Variants in CELF6 observed in about 807,000 individuals in gnomAD.
CELF6 encodes Bruno -like 6, RNA binding protein.
In CELF6, 32 loss-of-function variants were observed where a neutral mutation model predicts 53.1. The ratio of observed to expected loss-of-function variants is 0.60; its 90% CI spans 0.46 to 0.81. CELF6 has a LOEUF of 0.81. Among genes scored for constraint, CELF6 ranks in the 30% least tolerant of loss-of-function variants. The pLI, the probability that CELF6 is intolerant of heterozygous loss-of-function variation, is 0.00. For missense variants in CELF6, 539 were observed against 669.5 expected (o/e 0.81, Z 2.15); for synonymous variants, 291 against 288.8 (o/e 1.01, Z -0.08).
chr15:72,308,361 G>T (rs2088256738), intron 2 of CELF6, among the ~76,000 whole-genome samples: 1 of 152,078 alleles, frequency 6.6e-6, no homozygotes, highest in Non-Finnish European at 1.5e-5. Flanking sequence ...CCGAGTAGCT[G>T]GGATTACAGG....
chr15:72,309,720 G>C (rs1269327908), intron 2 of CELF6, among the ~76,000 whole-genome samples: 2 of 152,174 alleles, frequency 1.3e-5, no homozygotes, highest in Non-Finnish European at 2.9e-5. Context: ...TCCTGCCATG[G>C]GCAGAGGAGG....
chr15:72,308,595 G>T (rs1257122927), intron 2 of CELF6, among the ~76,000 whole-genome samples: 1 of 152,208 alleles, frequency 6.6e-6, no homozygotes, highest in Non-Finnish European at 1.5e-5. Context: ...GATTAGGGAA[G>T]GCTGTGAAAA....
intron 12 of CELF6, 31 bp downstream of exon 12, chr15:72,287,206 C>G (rs2087933268): frequency 6.3e-7 from 1 of 1,588,988 alleles, no homozygotes; most frequent in African/African-American, 1.3e-5. Context: ...TCACTCAGGC[C>G]TCATCTACCT....
Position 72,288,788 on chromosome 15 carries a change from A to G in CELF6, c.1093+80T>C. On this transcript the variant is annotated intron_variant, in intron 9 of 12. Coordinates refer to ENST00000287202, the MANE Select transcript of CELF6 (RefSeq NM_052840.5). The surrounding 1 kb of genome is among the most constrained non-coding windows in gnomAD (Gnocchi z 4.6). ...TGGGAGGATCAACTCCTTGGAACAGAGCCTAAATCCCCCACAACTCTCCCT... is the reference window on the plus strand; with the variant it reads ...TGGGAGGATCAACTCCTTGGAACAGGGCCTAAATCCCCCACAACTCTCCCT... 1 of 1,422,140 alleles carries G rather than the reference A, an allele frequency of 7.0e-7. No individual in the cohort carries two copies. Among genetic ancestry groups the G allele is most frequent in the South Asian group, 1.2e-5 (1 of 81,612 alleles). The allele number at this position is 1,422,140 out of a possible 1,614,324, so 88.1% of individuals were successfully genotyped here. A position where few individuals can be genotyped will look rare whatever the true frequency, so the allele number is the denominator to read the frequency against.
In CELF6 at chr15:72,284,766, G is replaced by A. The variant is rs2087902066; in HGVS notation, c.*1605C>T. The stretch of plus-strand genomic sequence containing the variant: ...AGTTTTCTTAGAAACTGTTATGAAG[G>A]AGGAGCCCTCCACCCCCACCCCCAC... On this transcript the variant is annotated 3_prime_UTR_variant, in exon 13 of 13. Coordinates refer to ENST00000287202, the MANE Select transcript of CELF6 (RefSeq NM_052840.5). 1 of 152,646 alleles carries A rather than the reference G, an allele frequency of 6.6e-6. No individual in the cohort carries two copies. Among genetic ancestry groups the A allele is most frequent in the Non-Finnish European group, 1.5e-5 (1 of 68,038 alleles). The allele number at this position is 152,646 out of a possible 1,614,324, so 9.5% of individuals were successfully genotyped here.
intron 2 of CELF6, among the ~76,000 whole-genome samples, chr15:72,308,507 G>A (rs563360441): frequency 1.3e-5 from 2 of 152,218 alleles, no homozygotes; most frequent in Admixed American, 1.3e-4. Context: ...GATTACAGGT[G>A]TGAGCCACCG....
intron 3 of CELF6, among the ~76,000 whole-genome samples, chr15:72,295,596 G>T (rs1457998486): frequency 2.0e-5 from 3 of 151,710 alleles, no homozygotes; most frequent in South Asian, 2.1e-4. Context: ...GGGCGTGGTG[G>T]TGGGTGCCTG....
In CELF6 at chr15:72,288,616, C is replaced by A; in HGVS notation, c.1096G>T (p.Ala366Ser). ...AYAGMHHYAA[A>S]YPSAYAPVST... ...ACTGGGGCATAGGCCGACGGATAGG[C>A]TGCTGGAGACAGAGGTGGGAGTGGA... is the stretch of plus-strand genomic sequence containing the variant. The change falls in exon 10 of 13, where the codon GCC (alanine) becomes TCC (serine). Residue 366 changes from alanine to serine, a missense_variant and splice_region_variant. Transcript: ENST00000287202. The surrounding 1 kb of genome is among the most constrained non-coding windows in gnomAD (Gnocchi z 4.6). 1 of 1,558,894 alleles carries A rather than the reference C, an allele frequency of 6.4e-7. No individual in the cohort carries two copies. The highest frequency in any genetic ancestry group is 1.2e-5 in the South Asian group (1 of 81,156).
chr15:72,318,135 G>A (rs2912225), intron 1 of CELF6, among the ~76,000 whole-genome samples: 4,645 of 152,244 alleles, frequency 0.031, 133 homozygotes, highest in African/African-American at 0.071. Flanking sequence ...ACAGAGGGAT[G>A]GACAGACAGG....
In CELF6 at chr15:72,289,128, G is replaced by A; in HGVS notation, c.1030+10C>T. ...ATTTCGGGGGGATTTGGGCGGAGCG[G>A]GGGGCCCACCTGGATAAGGGGAGAG... On this transcript the variant is annotated intron_variant, in intron 8 of 12. Coordinates refer to ENST00000287202, the MANE Select transcript of CELF6 (RefSeq NM_052840.5). The surrounding 1 kb of genome is among the most constrained non-coding windows in gnomAD (Gnocchi z 7.6). 2 of 1,517,178 alleles carry A rather than the reference G, an allele frequency of 1.3e-6. No homozygotes were observed. Among genetic ancestry groups the A allele is most frequent in the Non-Finnish European group, 1.8e-6 (2 of 1,139,838 alleles). The allele number at this position is 1,517,178 out of a possible 1,614,324, so 94.0% of individuals were successfully genotyped here.
Position 72,288,175 on chromosome 15 carries a change from G to T in CELF6, c.1318+133C>A. 1 of 1,028,190 alleles carries T rather than the reference G, an allele frequency of 9.7e-7. No homozygotes were observed. The highest frequency in any genetic ancestry group is 1.5e-6 in the Non-Finnish European group (1 of 669,230). 63.7% of individuals were successfully genotyped at this position (1,028,190 alleles called of 1,614,324 possible). A position where few individuals can be genotyped will look rare whatever the true frequency, so the allele number is the denominator to read the frequency against. ...TGGCCTAAACTTAGGCCCATCACTG[G>T]TTTGTGACCCTGTTTTGTGCCATAC... is the stretch of plus-strand genomic sequence containing the variant. On this transcript the variant is annotated intron_variant, in intron 11 of 12. Coordinates refer to ENST00000287202, the MANE Select transcript of CELF6 (RefSeq NM_052840.5). The surrounding 1 kb of genome is among the most constrained non-coding windows in gnomAD (Gnocchi z 4.6).
chr15:72,296,791 A>C (rs745404635), intron 3 of CELF6, among the ~76,000 whole-genome samples: 27 of 152,370 alleles, frequency 1.8e-4, no homozygotes, highest in Non-Finnish European at 2.9e-4. Flanking sequence ...TCAAAGAAAC[A>C]GAAAATCACA....
chr15:72,290,660 C>T (rs1248946850), intron 3 of CELF6, among the ~76,000 whole-genome samples: 1 of 152,148 alleles, frequency 6.6e-6, no homozygotes, highest in East Asian at 1.9e-4. Flanking sequence ...CAGAGAAAGC[C>T]TTTCTATTCA....
intron 12 of CELF6, among the ~76,000 whole-genome samples, chr15:72,286,649 C>T (rs2087926235): frequency 6.6e-6 from 1 of 152,222 alleles, no homozygotes; most frequent in Non-Finnish European, 1.5e-5. Context: ...TTGCAGGCAG[C>T]ATCCTATGGA....
rs114243490 is a variant in CELF6 at position 72,300,611 on chromosome 15, A to G, written c.394+4135T>C. Among the ~76,000 whole-genome samples the G allele has an allele frequency of 7.3e-3, 1,113 of 152,278 alleles. 9 individuals carry two copies. Among genetic ancestry groups the G allele is most frequent in the African/African-American group, 0.025 (1,045 of 41,558 alleles). ...CACTTTGGGAGGCCGAGGCAGACAG[A>G]TCATTTGTGGTCAGCAGTTCAAGAC... is the stretch of plus-strand genomic sequence containing the variant. On this transcript the variant is annotated intron_variant, in intron 3 of 12. Transcript: ENST00000287202.
Position 72,289,226 on chromosome 15 carries a change from C to T in CELF6, c.942G>A (p.Gly314=). The change falls in exon 8 of 13, where the codon GGG becomes GGA. Residue 314 remains glycine, a synonymous_variant. Transcript: ENST00000287202. This position sits in a 1 kb window ranked among gnomAD's most constrained non-coding sequence, Gnocchi z 7.6. ...GTLPGLPAPI[G]VNGFGPLTPQ... is the part of the protein sequence containing the mutation. ...GGGTCAGAGGGCCGAATCCATTGAC[C>T]CCGATGGGCGCCGGAAGACCTGGGA... The T allele has an allele frequency of 2.5e-6, 4 of 1,576,138 alleles. No homozygotes were observed. The highest frequency in any genetic ancestry group is 3.4e-6 in the Non-Finnish European group (4 of 1,167,578).
intron 2 of CELF6, chr15:72,306,222 G>A (rs991748236): frequency 4.9e-5 from 48 of 982,936 alleles, no homozygotes; most frequent in Non-Finnish European, 4.7e-5. Context: ...AGCTGGGTGC[G>A]TGGGAGGTGA....
chr15:72,317,400 C>T (rs1038547710), intron 1 of CELF6, among the ~76,000 whole-genome samples: 6 of 152,172 alleles, frequency 3.9e-5, no homozygotes, highest in African/African-American at 1.4e-4. Context: ...TTCTACAGGG[C>T]TGCCCCATTA....
intron 3 of CELF6, among the ~76,000 whole-genome samples, chr15:72,295,683 G>A (rs1391774816): frequency 1.4e-5 from 2 of 146,348 alleles, no homozygotes; most frequent in African/African-American, 2.5e-5. Context: ...CCGAGATCAC[G>A]CCACTGCACT....
Sources: gnomAD v4.1 joint callset for allele counts (sites outside exome capture counted in the v4.1 genomes callset) on GRCh38, gnomAD v4.1.1 for gene constraint, Gnocchi (gnomAD v3.1) non-coding constraint, MANE v1.5 for transcripts, NCBI Gene and HGNC (gene_info 2026-07-23, HGNC 2026-07-21) for gene names.